Variants in SH3BP5 observed in about 807,000 individuals in gnomAD.
SH3BP5 encodes SH3 domain-binding protein 5.
Under a neutral mutation model 43.3 loss-of-function variants are expected in SH3BP5, and 22 were observed. That is an observed-to-expected ratio of 0.51 (90% CI 0.36 to 0.73). SH3BP5 has a LOEUF of 0.73. SH3BP5 is among the 30% of genes least tolerant of loss of function. The pLI is 0.00. For missense variants in SH3BP5, 529 were observed against 586.9 expected, an observed-to-expected ratio of 0.90 and a Z score of 1.02; for synonymous variants, 255 against 225.8, an observed-to-expected ratio of 1.13 and a Z score of -1.16.
intron 2 of SH3BP5, among the ~76,000 whole-genome samples, chr3:15,326,465 G>A (rs1331494025): frequency 6.6e-6 from 1 of 152,152 alleles, no homozygotes; most frequent in African/African-American, 2.4e-5. Flanking sequence ...GGTGCCGAAC[G>A]CCCCAGATCG....
intron 2 of SH3BP5, among the ~76,000 whole-genome samples, chr3:15,320,666 C>T (rs1698304155): frequency 7.2e-6 from 1 of 139,034 alleles, no homozygotes; most frequent in South Asian, 2.2e-4. Flanking sequence ...GTCCCTACAA[C>T]AAATGCTGAC....
At chr3:15,326,543 G>A (rs890280234) in intron 2 of SH3BP5, among the ~76,000 whole-genome samples, 2 of 152,206 alleles carry the variant, frequency 1.3e-5, no homozygotes, top group African/African-American at 4.8e-5. Context: ...CCTGAAAGTA[G>A]ACTATCTCAT....
chr3:15,282,348 A>G (rs1412790414), intron 3 of SH3BP5, among the ~76,000 whole-genome samples: 3 of 152,336 alleles, frequency 2.0e-5, no homozygotes, highest in African/African-American at 4.8e-5. Context: ...GCAGCAGACT[A>G]GTTAACCACA....
rs373879792 is a variant in SH3BP5 at position 15,320,640 on chromosome 3, A to ACACACACACACACACACACACACGCT, written c.201+9863_201+9864insAGCGTGTGTGTGTGTGTGTGTGTGTG. Among the ~76,000 whole-genome samples the ACACACACACACACACACACACACGCT allele has an allele frequency of 8.8e-4, 131 of 149,676 alleles. 1 individual carries two copies. The highest frequency in any genetic ancestry group is 2.7e-3 in the South Asian group (13 of 4,730). On this transcript the variant is annotated intron_variant, in intron 2 of 8. Coordinates refer to ENST00000383791, the MANE Select transcript of SH3BP5 (RefSeq NM_004844.5). ...CACACACACACACACACACACACAC[A>ACACACACACACACACACACACACGCT]CCCCACTACGTTAAAGTCCCTACAA...
At chr3:15,281,626 C>CA (rs950373068) in intron 3 of SH3BP5, among the ~76,000 whole-genome samples, 4 of 152,146 alleles carry the variant, frequency 2.6e-5, no homozygotes, top group Non-Finnish European at 4.4e-5. Flanking sequence ...AACTGCTCCC[C>CA]AAGTGCATGG....
chr3:15,327,146 G>A (rs904671209), intron 2 of SH3BP5, among the ~76,000 whole-genome samples: 1 of 152,006 alleles, frequency 6.6e-6, no homozygotes, highest in Non-Finnish European at 1.5e-5. Flanking sequence ...CAGTGGCGGT[G>A]GGGAGGGGGG....
upstream of SH3BP5, among the ~76,000 whole-genome samples, chr3:15,335,964 A>ATAAATT (rs1698696473): frequency 6.6e-6 from 1 of 152,102 alleles, no homozygotes; most frequent in African/African-American, 2.4e-5. Context: ...GAATTTAAAG[A>ATAAATT]TAAATTTAAA....
rs532554711 is a variant in SH3BP5, at chr3:15,269,648, G to A, written c.495+65C>T. 128 of 1,462,186 alleles carry A rather than the reference G, an allele frequency of 8.8e-5. 2 individuals carry two copies. In the South Asian group the frequency reaches 9.5e-4, roughly 11 times the overall value. 90.6% of individuals were successfully genotyped at this position (1,462,186 alleles called of 1,614,324 possible). On this transcript the variant is annotated intron_variant, in intron 4 of 8. Transcript: ENST00000383791. ...CCTGGGAGTCGAGTCTGTTACCTCCGCTCAGGGGAAGCCAGCGCGCATGCA... is the reference window on the plus strand; with the variant it reads ...CCTGGGAGTCGAGTCTGTTACCTCCACTCAGGGGAAGCCAGCGCGCATGCA...
At chr3:15,265,562 C>CACA in intron 4 of SH3BP5, among the ~76,000 whole-genome samples, 1 of 61,176 alleles carries the variant, frequency 1.6e-5, no homozygotes. Flanking sequence ...ACACACACAA[C>CACA]CCTCCAGCTC....
chr3:15,289,253 C>T lies in SH3BP5; in HGVS notation c.330+14850G>A, dbSNP rs138634463. Among the ~76,000 whole-genome samples, 605 of 152,306 alleles carry T rather than the reference C, an allele frequency of 4.0e-3. 3 individuals carry two copies. Among genetic ancestry groups the T allele is most frequent in the South Asian group, 0.02 (97 of 4,828 alleles). On this transcript the variant is annotated intron_variant, in intron 3 of 8. Coordinates refer to ENST00000383791, the MANE Select transcript of SH3BP5 (RefSeq NM_004844.5). Reference sequence around the variant, plus strand: ...CTAGCTAAAAGACTCCAAGTCAAGCCTCCCTTGCAGCTACCTGTGACTACC... The same window carrying T: ...CTAGCTAAAAGACTCCAAGTCAAGCTTCCCTTGCAGCTACCTGTGACTACC...
At chr3:15,340,922 C>T (rs1265693320) in intron 1 of SH3BP5, among the ~76,000 whole-genome samples, 1 of 151,728 alleles carries the variant, frequency 6.6e-6, no homozygotes, top group East Asian at 1.9e-4. Flanking sequence ...CATGGTGGTG[C>T]ATGTCTGTAA....
chr3:15,294,628 C>T (rs17040967), intron 3 of SH3BP5, among the ~76,000 whole-genome samples: 3,049 of 152,160 alleles, frequency 0.02, 105 homozygotes, highest in African/African-American at 0.068. Flanking sequence ...TTTCCTCATT[C>T]GTACTATAAG....
intron 3 of SH3BP5, among the ~76,000 whole-genome samples, chr3:15,298,544 C>T (rs1485347804): frequency 6.6e-6 from 1 of 152,178 alleles, no homozygotes; most frequent in Non-Finnish European, 1.5e-5. Context: ...TGACGCATTC[C>T]AACCATTCAA....
chr3:15,330,114 C>T (rs3773465), intron 2 of SH3BP5, among the ~76,000 whole-genome samples: 89,155 of 152,196 alleles, frequency 0.59, 26,682 homozygotes, highest in South Asian at 0.73. Context: ...ACACAACACT[C>T]TCCAGGACAA....
chr3:15,286,669 T>A (rs1265871319), intron 3 of SH3BP5, among the ~76,000 whole-genome samples: 1 of 152,150 alleles, frequency 6.6e-6, no homozygotes, highest in Non-Finnish European at 1.5e-5. Context: ...TCCCACCACC[T>A]TAGCCTCCTA....
At chr3:15,301,745 C>A (rs1185988530) in intron 3 of SH3BP5, among the ~76,000 whole-genome samples, 2 of 152,046 alleles carry the variant, frequency 1.3e-5, no homozygotes, top group Non-Finnish European at 2.9e-5. Flanking sequence ...AGACCTGAGG[C>A]AGGAGCACGT....
chr3:15,312,912 T>C (rs1698095024), intron 2 of SH3BP5, among the ~76,000 whole-genome samples: 1 of 152,164 alleles, frequency 6.6e-6, no homozygotes, highest in African/African-American at 2.4e-5. Flanking sequence ...TATTTTCCTT[T>C]GATGGTTTTC....
chr3:15,290,398 C>T (rs2344719), intron 3 of SH3BP5, among the ~76,000 whole-genome samples: 18,953 of 151,772 alleles, frequency 0.12, 1,535 homozygotes, highest in Non-Finnish European at 0.19. Flanking sequence ...TGGTGGCTCA[C>T]GTCTGTAATC....
At chr3:15,340,859 C>G (rs1698757185) in intron 1 of SH3BP5, among the ~76,000 whole-genome samples, 1 of 152,008 alleles carries the variant, frequency 6.6e-6, no homozygotes, top group South Asian at 2.1e-4. Context: ...TCAAAACCAG[C>G]CTGGCCAACA....
Sources: allele counts gnomAD v4.1 joint callset (sites outside exome capture counted in the v4.1 genomes callset), GRCh38; gene constraint gnomAD v4.1.1; transcripts MANE v1.5; gene names NCBI Gene and HGNC (gene_info 2026-07-23, HGNC 2026-07-21).